The following FGF1 variants were observed in gnomAD, a reference collection of about 807,000 sequenced individuals.
The protein encoded by FGF1 is beta-endothelial cell growth factor.
A neutral mutation model predicts 13.4 loss-of-function variants in FGF1; 9 were observed. The ratio of observed to expected loss-of-function variants is 0.67; its 90% CI spans 0.40 to 1.17. FGF1 has a LOEUF of 1.17. FGF1 is among the 50% of genes most tolerant of loss of function. The pLI, the probability that FGF1 is intolerant of heterozygous loss-of-function variation, is 0.01. For synonymous variants in FGF1, 93 were observed against 79.0 expected, an observed-to-expected ratio of 1.18 and a Z score of -0.94; for missense variants, 156 against 192.7, an observed-to-expected ratio of 0.81 and a Z score of 1.13.
rs561566354 is a variant in FGF1 at position 142,645,220 on chromosome 5, T to C, written c.-34-31059A>G. Among the ~76,000 whole-genome samples the C allele has an allele frequency of 1.1e-3, 163 of 152,248 alleles. 1 individual carries two copies. The highest frequency in any genetic ancestry group is 1.5e-3 in the Admixed American group (23 of 15,290). ...GGGGCCAGCACAATGGAGTGAGTAT[T>C]CCCTGATGGCGGATGAGAACGTCTC... is the stretch of plus-strand genomic sequence containing the variant. On this transcript the variant is annotated intron_variant, in intron 1 of 3. Coordinates refer to ENST00000337706, the MANE Select transcript of FGF1 (RefSeq NM_000800.5).
rs1227974183 is a variant in FGF1, at chr5:142,686,038, GTCT to G, written c.-119_-117del. The G allele has an allele frequency of 1.3e-5, 2 of 152,176 alleles. No homozygotes were observed. Among genetic ancestry groups the G allele is most frequent in the African/African-American group, 4.8e-5 (2 of 41,418 alleles). The allele number at this position is 152,176 out of a possible 1,614,324, so 9.4% of individuals were successfully genotyped here. A position where few individuals can be genotyped will look rare whatever the true frequency, so the allele number is the denominator to read the frequency against. On this transcript the variant is annotated 5_prime_UTR_variant, in exon 1 of 4. Transcript: ENST00000337706. ...CCAGGGGAAGCAGAATCCACTTGGTGTCTTCTTCTCAGAGTAGCCCGGCTCTCT... is the reference window on the plus strand; with the variant it reads ...CCAGGGGAAGCAGAATCCACTTGGTGTCTTCTCAGAGTAGCCCGGCTCTCT...
At chr5:142,644,795 T>C (rs1260439698) in intron 1 of FGF1, among the ~76,000 whole-genome samples, 1 of 152,230 alleles carries the variant, frequency 6.6e-6, no homozygotes, top group Non-Finnish European at 1.5e-5. Flanking sequence ...CTCTCCATCA[T>C]GGGCAGAGTG....
chr5:142,619,735 A>AGGTG (rs1761121241), intron 1 of FGF1, among the ~76,000 whole-genome samples: 1 of 152,068 alleles, frequency 6.6e-6, no homozygotes, highest in Non-Finnish European at 1.5e-5. Flanking sequence ...CAGGAGGCTG[A>AGGTG]GGCAGGAGAA....
At chr5:142,625,242 C>T (rs1367830106) in intron 1 of FGF1, among the ~76,000 whole-genome samples, 5 of 152,068 alleles carry the variant, frequency 3.3e-5, no homozygotes, top group East Asian at 3.9e-4. Flanking sequence ...TCTAATCCAG[C>T]TGTGTCACCA....
chr5:142,597,431 T>C (rs577872582), intron 3 of FGF1, among the ~76,000 whole-genome samples: 15 of 152,302 alleles, frequency 9.8e-5, no homozygotes, highest in Non-Finnish European at 1.8e-4. Context: ...ATTTATTAAG[T>C]TGAAAATCAG....
intron 2 of FGF1, among the ~76,000 whole-genome samples, chr5:142,611,602 T>A (rs562334941): frequency 6.6e-6 from 1 of 152,318 alleles, no homozygotes; most frequent in East Asian, 1.9e-4. Context: ...AGGCTTGAAC[T>A]CGAGCCTGCT....
At chr5:142,648,208 G>A (rs1766536810) in intron 1 of FGF1, among the ~76,000 whole-genome samples, 4 of 152,064 alleles carry the variant, frequency 2.6e-5, no homozygotes, top group South Asian at 2.1e-4. Flanking sequence ...TCACACACAC[G>A]TATGTTTATT....
intron 1 of FGF1, among the ~76,000 whole-genome samples, chr5:142,669,669 G>A (rs1004748403): frequency 7.9e-5 from 12 of 152,094 alleles, no homozygotes; most frequent in Non-Finnish European, 1.6e-4. Flanking sequence ...GGGGCGTGTC[G>A]CGGCTGAGGT....
intron 1 of FGF1, among the ~76,000 whole-genome samples, chr5:142,620,157 C>T (rs781471976): frequency 1.3e-5 from 2 of 152,128 alleles, no homozygotes; most frequent in South Asian, 2.1e-4. Context: ...GTGGCTCACG[C>T]CTGTAATCCC....
intron 1 of FGF1, among the ~76,000 whole-genome samples, chr5:142,646,864 C>T (rs563959686): frequency 2.8e-4 from 43 of 152,264 alleles, no homozygotes; most frequent in Non-Finnish European, 2.8e-4. Flanking sequence ...ACCCTGTCAT[C>T]GTTTCTTCCC....
At chr5:142,675,818 A>C (rs1395369644) in intron 1 of FGF1, among the ~76,000 whole-genome samples, 3 of 152,192 alleles carry the variant, frequency 2.0e-5, no homozygotes, top group Non-Finnish European at 4.4e-5. Flanking sequence ...AAATGATTTG[A>C]ACTCAAAGCT....
intron 1 of FGF1, among the ~76,000 whole-genome samples, chr5:142,658,853 T>C (rs1768640582): frequency 6.6e-6 from 1 of 152,114 alleles, no homozygotes. Context: ...TCTGCCGTGA[T>C]CATGAACTCT....
At chr5:142,652,799 G>T (rs768928194) in intron 1 of FGF1, among the ~76,000 whole-genome samples, 1 of 152,326 alleles carries the variant, frequency 6.6e-6, no homozygotes, top group Admixed American at 6.5e-5. Context: ...TAGTGCACAC[G>T]TGTGTCCACG....
chr5:142,686,834 G>T (rs17099249), upstream of FGF1, among the ~76,000 whole-genome samples: 1 of 152,152 alleles, frequency 6.6e-6, no homozygotes, highest in African/African-American at 2.4e-5. Flanking sequence ...GCCTGTCCCC[G>T]TTGGATGAGG....
intron 1 of FGF1, among the ~76,000 whole-genome samples, chr5:142,679,669 AT>A (rs2152047272): frequency 6.6e-6 from 1 of 151,606 alleles, no homozygotes; most frequent in South Asian, 2.1e-4. Context: ...TCTTATTTAC[AT>A]TTGCTTCCTT....
upstream of FGF1, among the ~76,000 whole-genome samples, chr5:142,689,713 T>TG (rs1751846260): frequency 7.5e-6 from 1 of 132,816 alleles, no homozygotes; most frequent in Non-Finnish European, 1.6e-5. Context: ...TTTTTTTTTT[T>TG]TCTGAGACAA....
Position 142,638,258 on chromosome 5 carries a change from C to T in FGF1, c.-34-24097G>A, listed in dbSNP as rs1403974464. On this transcript the variant is annotated intron_variant, in intron 1 of 3. Transcript: ENST00000337706. ...CTCACATGTGCCATGCTTACTCTCA[C>T]CTTGAGCCTTTGAACTTGCTTTTCC... Among the ~76,000 whole-genome samples the T allele has an allele frequency of 1.2e-4, 18 of 152,106 alleles. 1 individual carries two copies. The highest frequency in any genetic ancestry group is 1.2e-3 in the Admixed American group (18 of 15,298).
intron 2 of FGF1, 167 bp from the exon 3 acceptor site, chr5:142,600,972 T>C (rs1756419255): frequency 3.2e-6 from 2 of 631,756 alleles, no homozygotes; most frequent in Admixed American, 4.7e-5. Flanking sequence ...CCCTTTTTCT[T>C]TGCCTTCCAA....
chr5:142,603,592 A>C (rs1351477815), intron 2 of FGF1, among the ~76,000 whole-genome samples: 1 of 152,200 alleles, frequency 6.6e-6, no homozygotes, highest in Non-Finnish European at 1.5e-5. Context: ...AGTGCCCTGC[A>C]CACAGGGGGC....
Sources: gnomAD v4.1 joint callset for allele counts (sites outside exome capture counted in the v4.1 genomes callset) on GRCh38, gnomAD v4.1.1 for gene constraint, MANE v1.5 for transcripts, NCBI Gene and HGNC (gene_info 2026-07-23, HGNC 2026-07-21) for gene names.